Variants in ABCC4 observed in about 807,000 individuals in gnomAD.
ABCC4 encodes the protein ATP binding cassette subfamily C member 4 (PEL blood group).
Under a neutral mutation model 168.5 loss-of-function variants are expected in ABCC4, and 102 were observed. The ratio of observed to expected loss-of-function variants is 0.61; its 90% CI spans 0.52 to 0.71. The LOEUF (loss-of-function observed/expected upper bound fraction) is 0.71. ABCC4 is among the 30% of genes least tolerant of loss of function. The pLI, the probability that ABCC4 is intolerant of heterozygous loss-of-function variation, is 0.00. For synonymous variants in ABCC4, 617 were observed against 590.7 expected (o/e 1.04, Z -0.65); for missense variants, 1,402 against 1,605.8 (o/e 0.87, Z 2.17).
intron 18 of ABCC4, among the ~76,000 whole-genome samples, chr13:95,162,192 T>C (rs1219030692): frequency 6.6e-6 from 1 of 152,152 alleles, no homozygotes; most frequent in African/African-American, 2.4e-5. Flanking sequence ...ACGAACATAA[T>C]AGAACATAAT....
At chr13:95,174,234 T>C in intron 13 of ABCC4, among the ~76,000 whole-genome samples, 1 of 152,358 alleles carries the variant, frequency 6.6e-6, no homozygotes, top group South Asian at 2.1e-4. Flanking sequence ...TTGCAACATA[T>C]AGTTGTAAAA....
At chr13:95,032,657 CT>C (rs2031930728) in intron 30 of ABCC4, among the ~76,000 whole-genome samples, 1 of 121,066 alleles carries the variant, frequency 8.3e-6, no homozygotes, top group African/African-American at 4.1e-5. Context: ...AACATATTTT[CT>C]TTTTCTTTTT....
chr13:95,120,809 C>T (rs929413493), intron 19 of ABCC4, among the ~76,000 whole-genome samples: 7 of 152,186 alleles, frequency 4.6e-5, no homozygotes, highest in African/African-American at 1.7e-4. Flanking sequence ...GACCTGTGCA[C>T]TCCAGGTACA....
At chr13:95,124,713 G>GAAAAA (rs59665124) in intron 19 of ABCC4, among the ~76,000 whole-genome samples, 21 of 59,204 alleles carry the variant, frequency 3.5e-4, no homozygotes, top group African/African-American at 4.0e-4. Context: ...TACTAAAAAC[G>GAAAAA]AAAAAAAAAA....
chr13:95,301,028 G>A (rs545699300), intron 1 of ABCC4, among the ~76,000 whole-genome samples: 2 of 151,950 alleles, frequency 1.3e-5, no homozygotes, highest in Non-Finnish European at 2.9e-5. Flanking sequence ...GTCCCCCTGC[G>A]CCGCGCCCCG....
At chr13:95,064,331 A>AT (rs2139292277) in intron 25 of ABCC4, among the ~76,000 whole-genome samples, 1 of 144,846 alleles carries the variant, frequency 6.9e-6, no homozygotes, top group East Asian at 2.0e-4. Context: ...TTCTGAGATA[A>AT]TTTCACAGGG....
chr13:95,256,275 T>C (rs1002393089), intron 1 of ABCC4, among the ~76,000 whole-genome samples: 2 of 152,182 alleles, frequency 1.3e-5, no homozygotes, highest in African/African-American at 2.4e-5. Context: ...GCCCAAGTTA[T>C]GCGGCTGACT....
chr13:95,166,484 G>A, intron 14 of ABCC4, 117 bp from the exon 15 acceptor site: 1 of 849,770 alleles, frequency 1.2e-6, no homozygotes, highest in Non-Finnish European at 1.8e-6. Flanking sequence ...CTTAGGTCCG[G>A]AATCCTAGTT....
At chr13:95,124,878 A>T (rs1160853018) in intron 19 of ABCC4, among the ~76,000 whole-genome samples, 1 of 146,644 alleles carries the variant, frequency 6.8e-6, no homozygotes, top group Non-Finnish European at 1.5e-5. Context: ...ACTTGATCTC[A>T]AAAAAAAAAT....
rs576351469 is a variant in ABCC4, at chr13:95,254,722, C to G, written c.75-6969G>C. On this transcript the variant is annotated intron_variant, in intron 1 of 30. Coordinates refer to ENST00000645237, the MANE Select transcript of ABCC4 (RefSeq NM_005845.5). Reference sequence around the variant, plus strand: ...GTATATCCAGAAACAGTCACATTGACCCTATAAGGCTCACCCTCTGCCCCT... The same window carrying G: ...GTATATCCAGAAACAGTCACATTGAGCCTATAAGGCTCACCCTCTGCCCCT... Among the ~76,000 whole-genome samples the G allele has an allele frequency of 3.3e-5, 5 of 152,328 alleles. No individual in the cohort carries two copies. The East Asian group carries it at 9.6e-4, about 29-fold the overall frequency.
Position 95,210,717 on chromosome 13 carries a change from G to C in ABCC4, c.596C>G (p.Ser199Cys). 6.2e-7 allele frequency: 1 copy of C among 1,614,188 alleles called. No homozygotes were observed. The change falls in exon 5 of 31, where the codon TCC becomes TGC. Residue 199 changes from serine (S) to cysteine (C), a missense_variant. This residue lies in a region of ABCC4 where 317 missense variants were observed against 345.5 expected (regional missense o/e 0.92). Transcript: ENST00000645237. ...CTGATCAAACTTGTTCACATCATTG[G>C]ACAGCAGATTGACTATCTGGCCTGT... Reference protein sequence around the residue: ...TTTGQIVNLLSNDVNKFDQVT... With the variant: ...TTTGQIVNLLCNDVNKFDQVT...
intron 19 of ABCC4, among the ~76,000 whole-genome samples, chr13:95,153,465 G>A (rs1392112596): frequency 6.6e-6 from 1 of 152,136 alleles, no homozygotes; most frequent in Non-Finnish European, 1.5e-5. Context: ...CATATATCGA[G>A]AGAGACAGAG....
At chr13:95,056,342 C>T (rs1365011047) in intron 26 of ABCC4, among the ~76,000 whole-genome samples, 1 of 152,174 alleles carries the variant, frequency 6.6e-6, no homozygotes, top group Non-Finnish European at 1.5e-5. Flanking sequence ...CACCTGAAGT[C>T]ACTTTAAATC....
intron 24 of ABCC4, among the ~76,000 whole-genome samples, chr13:95,072,630 G>A (rs941203114): frequency 6.6e-6 from 1 of 152,128 alleles, no homozygotes; most frequent in African/African-American, 2.4e-5. Context: ...TTAGGGGAAG[G>A]TGCAAATATT....
At chr13:95,072,824 TA>T (rs977184774) in intron 24 of ABCC4, among the ~76,000 whole-genome samples, 18 of 152,154 alleles carry the variant, frequency 1.2e-4, no homozygotes, top group Non-Finnish European at 2.4e-4. Flanking sequence ...TAATTAAATG[TA>T]AACAACCTCA....
chr13:95,115,273 G>GGT (rs2035333561), intron 20 of ABCC4, among the ~76,000 whole-genome samples: 1 of 146,056 alleles, frequency 6.8e-6, no homozygotes, highest in Non-Finnish European at 1.5e-5. Context: ...AGGATTGTTG[G>GGT]TTTTTTTTTT....
intron 4 of ABCC4, among the ~76,000 whole-genome samples, chr13:95,231,483 G>T (rs754372069): frequency 6.6e-6 from 1 of 152,128 alleles, no homozygotes; most frequent in African/African-American, 2.4e-5. Context: ...CTGCCAGACC[G>T]GGAATCAGGA....
intron 19 of ABCC4, among the ~76,000 whole-genome samples, chr13:95,143,295 C>A (rs1352355924): frequency 1.3e-5 from 2 of 152,126 alleles, no homozygotes; most frequent in East Asian, 3.9e-4. Flanking sequence ...ACAGGAACCT[C>A]CTGAGATGCC....
intron 4 of ABCC4, among the ~76,000 whole-genome samples, chr13:95,211,027 C>T (rs4148470): frequency 0.76 from 115,035 of 151,742 alleles, 44,185 homozygotes; most frequent in Non-Finnish European, 0.84. Context: ...AATTTGGACA[C>T]GCCCCCAAGT....
Sources: allele counts gnomAD v4.1 joint callset (sites outside exome capture counted in the v4.1 genomes callset), GRCh38; gene constraint gnomAD v4.1.1; regional missense constraint gnomAD v4.1.1; transcripts MANE v1.5; gene names NCBI Gene and HGNC (gene_info 2026-07-23, HGNC 2026-07-21).